Variants in ABTB2 observed in about 807,000 individuals in gnomAD.
The protein encoded by ABTB2 is ankyrin repeat and BTB/POZ domain-containing protein 2.
A neutral mutation model predicts 104.1 loss-of-function variants in ABTB2; 56 were observed. The observed-to-expected ratio is 0.54, with a 90% CI of 0.43 to 0.67. ABTB2 has a LOEUF of 0.67. Ranked by LOEUF, ABTB2 falls within the 30% of genes least tolerant of loss-of-function variation. The probability of loss-of-function intolerance (pLI) is 0.00; values close to 1 mark genes in which losing one functional copy is unlikely to be tolerated. For missense variants in ABTB2, 1,279 were observed against 1,407.7 expected (o/e 0.91, Z 1.46); for synonymous variants, 606 against 608.2 (o/e 1.00, Z 0.05).
chr11:34,315,342 A>G (rs1854913049), intron 1 of ABTB2, among the ~76,000 whole-genome samples: 1 of 152,154 alleles, frequency 6.6e-6, no homozygotes, highest in South Asian at 2.1e-4. Flanking sequence ...ATGGGGAGAA[A>G]TGAGTCTATT....
chr11:34,233,052 C>A (rs1853793000), intron 1 of ABTB2, among the ~76,000 whole-genome samples: 1 of 151,196 alleles, frequency 6.6e-6, no homozygotes. Flanking sequence ...AAGGGAGACA[C>A]CCTGTCATAG....
At position 34,326,777 on chromosome 11, in the gene ABTB2, A is replaced by G. The variant is rs1370929721; in HGVS notation, c.883+29924T>C. Among the ~76,000 whole-genome samples the G allele has an allele frequency of 5.3e-5, 8 of 152,330 alleles. No homozygotes were observed. In the South Asian group the frequency reaches 1.2e-3, roughly 24 times the overall value. ...TAGATTAAATGTAAATGTTCTAAAC[A>G]TATCAGTTAGGGCTGGGTGCGTTGT... is the stretch of plus-strand genomic sequence containing the variant. On this transcript the variant is annotated intron_variant, in intron 1 of 16. Coordinates refer to ENST00000435224, the MANE Select transcript of ABTB2 (RefSeq NM_145804.3).
chr11:34,346,612 G>A (rs974372620), intron 1 of ABTB2, among the ~76,000 whole-genome samples: 4 of 152,148 alleles, frequency 2.6e-5, no homozygotes, highest in Non-Finnish European at 4.4e-5. Flanking sequence ...TAATTACAGC[G>A]CTCGACCTTA....
intron 1 of ABTB2, among the ~76,000 whole-genome samples, chr11:34,299,829 T>C (rs1438453686): frequency 6.6e-6 from 1 of 152,078 alleles, no homozygotes; most frequent in African/African-American, 2.4e-5. Context: ...AGGAGCAGAG[T>C]GTTGCCTGGG....
At chr11:34,339,258 T>C (rs187734596) in intron 1 of ABTB2, among the ~76,000 whole-genome samples, 1 of 152,226 alleles carries the variant, frequency 6.6e-6, no homozygotes, top group African/African-American at 2.4e-5. Flanking sequence ...ATTTTTAAAG[T>C]GCTTCAAGAT....
chr11:34,324,985 T>A (rs1006644977), intron 1 of ABTB2, among the ~76,000 whole-genome samples: 1 of 152,154 alleles, frequency 6.6e-6, no homozygotes, highest in Non-Finnish European at 1.5e-5. Flanking sequence ...TTTGGTTTGT[T>A]CTTTTTTGTT....
Position 34,229,293 on chromosome 11 carries a change from T to G in ABTB2, c.884-24603A>C, listed in dbSNP as rs577613267. Among the ~76,000 whole-genome samples the G allele has an allele frequency of 2.4e-3, 371 of 151,504 alleles. 4 individuals carry two copies. The highest frequency in any genetic ancestry group is 8.7e-3 in the African/African-American group (361 of 41,282). On this transcript the variant is annotated intron_variant, in intron 1 of 16. Coordinates refer to ENST00000435224, the MANE Select transcript of ABTB2 (RefSeq NM_145804.3). ...GTCAGGAGATCAAGACCATCCTGGC[T>G]AACACGATGAAACCCGTCTCTACCA...
intron 1 of ABTB2, among the ~76,000 whole-genome samples, chr11:34,257,260 G>A (rs1332145577): frequency 2.6e-5 from 4 of 152,136 alleles, no homozygotes; most frequent in African/African-American, 4.8e-5. Context: ...AGAGCCACAC[G>A]TGGCTCAGGA....
intron 3 of ABTB2, among the ~76,000 whole-genome samples, chr11:34,186,795 A>AC (rs1853106334): frequency 6.6e-6 from 1 of 151,732 alleles, no homozygotes; most frequent in Non-Finnish European, 1.5e-5. Flanking sequence ...GCAGACGCCC[A>AC]CCCCCAGGCT....
At chr11:34,203,402 C>G (rs1316988628) in intron 2 of ABTB2, among the ~76,000 whole-genome samples, 3 of 152,150 alleles carry the variant, frequency 2.0e-5, no homozygotes, top group Non-Finnish European at 2.9e-5. Flanking sequence ...GGGCTGTGTC[C>G]CTTACTGTCT....
chr11:34,218,393 T>C (rs983442809), intron 1 of ABTB2, among the ~76,000 whole-genome samples: 9 of 152,158 alleles, frequency 5.9e-5, no homozygotes, highest in Admixed American at 4.6e-4. Context: ...CATCCTAGAT[T>C]TTTTTCCCCA....
At chr11:34,158,751 G>A (rs926509813) in intron 14 of ABTB2, among the ~76,000 whole-genome samples, 6 of 152,242 alleles carry the variant, frequency 3.9e-5, no homozygotes, top group South Asian at 2.1e-4. Context: ...CTTAAAGCCC[G>A]AAAGACCTGA....
At chr11:34,263,687 C>T (rs546753616) in intron 1 of ABTB2, among the ~76,000 whole-genome samples, 12 of 152,258 alleles carry the variant, frequency 7.9e-5, no homozygotes, top group African/African-American at 2.9e-4. Context: ...GACTCATTCC[C>T]TAGGCATGTT....
chr11:34,194,799 G>A (rs1163796049), intron 3 of ABTB2, among the ~76,000 whole-genome samples: 1 of 151,638 alleles, frequency 6.6e-6, no homozygotes, highest in African/African-American at 2.4e-5. Context: ...TTTCCTAATG[G>A]GGGTTCCAAT....
intron 1 of ABTB2, among the ~76,000 whole-genome samples, chr11:34,220,482 GC>G (rs1853606876): frequency 6.6e-6 from 1 of 152,328 alleles, no homozygotes; most frequent in Non-Finnish European, 1.5e-5. Context: ...CAGGGCTTTT[GC>G]TCTTCTTATT....
At chr11:34,192,139 A>G (rs1853183641) in intron 3 of ABTB2, among the ~76,000 whole-genome samples, 1 of 152,094 alleles carries the variant, frequency 6.6e-6, no homozygotes, top group South Asian at 2.1e-4. Context: ...AAAATTTTTT[A>G]AAAGTTAGCC....
Position 34,154,633 on chromosome 11 carries a change from G to A in ABTB2, c.2766+68C>T, listed in dbSNP as rs376206445. The A allele has an allele frequency of 1.9e-5, 29 of 1,493,790 alleles. No homozygotes were observed. Among genetic ancestry groups the A allele is most frequent in the Non-Finnish European group, 2.3e-5 (25 of 1,075,108 alleles). The allele number at this position is 1,493,790 out of a possible 1,614,324, so 92.5% of individuals were successfully genotyped here. ...AGGAAGAGCCACCTTCCCTCTGAAGGGGGTGAATGGGAGACCGAGCCGCTG... is the reference window on the plus strand; with the variant it reads ...AGGAAGAGCCACCTTCCCTCTGAAGAGGGTGAATGGGAGACCGAGCCGCTG... On this transcript the variant is annotated intron_variant, in intron 15 of 16. Coordinates refer to ENST00000435224, the MANE Select transcript of ABTB2 (RefSeq NM_145804.3). This position sits in a 1 kb window ranked among gnomAD's most constrained non-coding sequence, Gnocchi z 4.9.
intron 1 of ABTB2, among the ~76,000 whole-genome samples, chr11:34,278,092 TG>T (rs749396404): frequency 1.3e-5 from 2 of 152,018 alleles, no homozygotes; most frequent in African/African-American, 2.4e-5. Context: ...CGTGAGCCAC[TG>T]CGCCTGGCTC....
chr11:34,204,710 A>G lies in ABTB2; in HGVS notation c.884-20T>C. ...GGACACCTATGGGGAAAGAAGGCAG[A>G]CAGGTCACACTTAGGAAGGAGTGGA... On this transcript the variant is annotated intron_variant, in intron 1 of 16. Transcript: ENST00000435224. The G allele has an allele frequency of 1.9e-6, 3 of 1,606,128 alleles. No individual in the cohort carries two copies. The highest frequency in any genetic ancestry group is 1.7e-4 in the Middle Eastern group (1 of 6,010).
Sources: allele counts gnomAD v4.1 joint callset (sites outside exome capture counted in the v4.1 genomes callset), GRCh38; gene constraint gnomAD v4.1.1; non-coding constraint Gnocchi (gnomAD v3.1); transcripts MANE v1.5; gene names NCBI Gene and HGNC (gene_info 2026-07-23, HGNC 2026-07-21).